Variants in WNT7A observed in about 807,000 individuals in gnomAD.
WNT7A encodes Wnt family member 7A.
WNT7A carries 16 observed loss-of-function variants against 28.2 expected under a neutral mutation model. The observed-to-expected ratio is 0.57, with a 90% CI of 0.38 to 0.86. WNT7A has a LOEUF of 0.86. Among genes scored for constraint, WNT7A ranks in the 40% least tolerant of loss-of-function variants. The pLI is 0.00. For missense variants in WNT7A, 411 were observed against 489.7 expected (o/e 0.84, Z 1.52); for synonymous variants, 190 against 195.9 (o/e 0.97, Z 0.25).
rs1255419107 is a variant in WNT7A, at chr3:13,854,808, G to A, written c.299-5C>T. ...TGAACGCAGCCTCCCGGCTCCCTGC[G>A]AGGAGGAGAGAAGAGGAGACAAGTT... On this transcript the variant is annotated splice_region_variant and splice_polypyrimidine_tract_variant and intron_variant, in intron 2 of 3. Transcript: ENST00000285018. 1.7e-5 allele frequency: 27 copies of A among 1,611,690 alleles called. No homozygotes were observed. The highest frequency in any genetic ancestry group is 2.2e-5 in the East Asian group (1 of 44,878).
intron 3 of WNT7A, among the ~76,000 whole-genome samples, chr3:13,832,408 C>G (rs948314774): frequency 1.3e-5 from 2 of 151,546 alleles, no homozygotes; most frequent in Admixed American, 6.6e-5. Flanking sequence ...TCCTCCCACT[C>G]TTCCTTCTCA....
chr3:13,879,193 G>C (rs370695491), intron 1 of WNT7A, among the ~76,000 whole-genome samples: 2 of 152,246 alleles, frequency 1.3e-5, no homozygotes, highest in Admixed American at 6.5e-5. Flanking sequence ...CCAAGGCTCC[G>C]AGCGGCGGTT....
At chr3:13,845,676 C>T (rs1694526497) in intron 3 of WNT7A, among the ~76,000 whole-genome samples, 1 of 152,184 alleles carries the variant, frequency 6.6e-6, no homozygotes, top group Admixed American at 6.5e-5. Context: ...TGCCTCTTGC[C>T]TGCCCCCTGT....
intron 3 of WNT7A, among the ~76,000 whole-genome samples, chr3:13,836,809 G>A (rs1200025826): frequency 6.6e-6 from 1 of 152,232 alleles, no homozygotes; most frequent in Non-Finnish European, 1.5e-5. Flanking sequence ...CTGGAAATTC[G>A]AGGGAAGGGT....
chr3:13,868,753 G>GAAA, intron 2 of WNT7A, among the ~76,000 whole-genome samples: 2 of 143,468 alleles, frequency 1.4e-5, no homozygotes, highest in African/African-American at 5.3e-5. Flanking sequence ...AAGAAAGAAA[G>GAAA]GAGGGAAGGG....
chr3:13,831,369 G>T (rs1247798252), intron 3 of WNT7A, among the ~76,000 whole-genome samples: 1 of 152,208 alleles, frequency 6.6e-6, no homozygotes, highest in Non-Finnish European at 1.5e-5. Context: ...GGAGACAAGG[G>T]GTGGCAGTGC....
chr3:13,819,315 C>T lies in WNT7A; in HGVS notation c.679G>A (p.Val227Met). The T allele has an allele frequency of 1.2e-6, 2 of 1,613,422 alleles. No individual in the cohort carries two copies. Among genetic ancestry groups the T allele is most frequent in the East Asian group, 2.2e-5 (1 of 44,850 alleles). ...GCCTCGTTGTACTTGTCCTTGAGCACGTAGCCCAGCTCCCGAAACTGTGGC... is the reference window on the plus strand; with the variant it reads ...GCCTCGTTGTACTTGTCCTTGAGCATGTAGCCCAGCTCCCGAAACTGTGGC... ...TLPQFRELGY[V>M]LKDKYNEAVH... Residue 227 changes from valine to methionine, a missense_variant, in exon 4 of 4, where the codon GTG (valine) becomes ATG (methionine). Coordinates refer to ENST00000285018, the MANE Select transcript of WNT7A (RefSeq NM_004625.4).
In WNT7A at chr3:13,833,220, C is replaced by T. The variant is rs147512417; in HGVS notation, c.571-13797G>A. ...AGCACACTCAAAGCACACACTCTTA[C>T]GCCTGTGCGCACACTCACACACTCC... On this transcript the variant is annotated intron_variant, in intron 3 of 3. Coordinates refer to ENST00000285018, the MANE Select transcript of WNT7A (RefSeq NM_004625.4). Among the ~76,000 whole-genome samples the T allele has an allele frequency of 5.7e-3, 862 of 152,292 alleles. 9 individuals carry two copies. Among genetic ancestry groups the T allele is most frequent in the African/African-American group, 0.018 (763 of 41,554 alleles).
In WNT7A at chr3:13,853,187, G is replaced by C. The variant is rs566787063; in HGVS notation, c.570+1345C>G. Among the ~76,000 whole-genome samples the C allele has an allele frequency of 2.6e-5, 4 of 152,328 alleles. No individual in the cohort carries two copies. The South Asian group carries it at 8.3e-4, about 32-fold the overall frequency. On this transcript the variant is annotated intron_variant, in intron 3 of 3. Coordinates refer to ENST00000285018, the MANE Select transcript of WNT7A (RefSeq NM_004625.4). ...TGCCTACTGTGTGCCACGCTCTGGA[G>C]TGCTGCTGTGTCTGAGACAGCCCAG...
chr3:13,817,063 G>A lies in WNT7A; in HGVS notation c.*1881C>T, dbSNP rs1694015722. The stretch of plus-strand genomic sequence containing the variant: ...AGGAGTCAGACACAGCCTAGATACT[G>A]AAGGGCTCCCAGCAGGTGGGGCCAT... On this transcript the variant is annotated 3_prime_UTR_variant, in exon 4 of 4. Coordinates refer to ENST00000285018, the MANE Select transcript of WNT7A (RefSeq NM_004625.4). 6.6e-6 allele frequency: 1 copy of A among 152,288 alleles called. No individual in the cohort carries two copies. Among genetic ancestry groups the A allele is most frequent in the Non-Finnish European group, 1.5e-5 (1 of 68,102 alleles). 9.4% of individuals were successfully genotyped at this position (152,288 alleles called of 1,614,324 possible).
In WNT7A at chr3:13,880,062, G is replaced by A. The variant is rs1695187504; in HGVS notation, c.-246C>T. ...ACGCCGGGCTGCGCGCGAGCGACCG[G>A]TGCAAGTGTGCGAGACGCGGGGAGT... On this transcript the variant is annotated 5_prime_UTR_variant, in exon 1 of 4. Transcript: ENST00000285018. 1.5e-5 allele frequency: 5 copies of A among 336,788 alleles called. No individual in the cohort carries two copies. The highest frequency in any genetic ancestry group is 2.7e-5 in the Non-Finnish European group (5 of 186,398). The allele number at this position is 336,788 out of a possible 1,614,324, so 20.9% of individuals were successfully genotyped here. A position where few individuals can be genotyped will look rare whatever the true frequency, so the allele number is the denominator to read the frequency against.
chr3:13,848,916 T>G (rs553656234), intron 3 of WNT7A, among the ~76,000 whole-genome samples: 14 of 152,240 alleles, frequency 9.2e-5, no homozygotes, highest in Non-Finnish European at 1.8e-4. Flanking sequence ...CTCAGCAAGG[T>G]AAAGGAACCG....
intron 2 of WNT7A, among the ~76,000 whole-genome samples, chr3:13,860,672 C>G (rs1248077935): frequency 6.6e-6 from 1 of 152,122 alleles, no homozygotes. Context: ...CTGGAGGTCA[C>G]CTGCTGTGCC....
chr3:13,859,353 C>T (rs900525759), intron 2 of WNT7A, among the ~76,000 whole-genome samples: 1 of 152,242 alleles, frequency 6.6e-6, no homozygotes, highest in South Asian at 2.1e-4. Context: ...GGGCAAGTCA[C>T]TTAACCTCTC....
At chr3:13,826,372 A>C (rs1365901989) in intron 3 of WNT7A, among the ~76,000 whole-genome samples, 1 of 152,196 alleles carries the variant, frequency 6.6e-6, no homozygotes, top group Non-Finnish European at 1.5e-5. Flanking sequence ...TGTGCATCTC[A>C]AGGAAGCCTC....
At chr3:13,832,069 C>T (rs1694288926) in intron 3 of WNT7A, among the ~76,000 whole-genome samples, 1 of 151,998 alleles carries the variant, frequency 6.6e-6, no homozygotes, top group South Asian at 2.1e-4. Flanking sequence ...CCACCTGCTC[C>T]CCTCCTGTTC....
intron 2 of WNT7A, among the ~76,000 whole-genome samples, chr3:13,867,076 C>A (rs1392220509): frequency 1.3e-5 from 2 of 152,136 alleles, no homozygotes; most frequent in Non-Finnish European, 2.9e-5. Flanking sequence ...ATGACACGGG[C>A]ACACAGGCCT....
chr3:13,835,018 C>G (rs942273387), intron 3 of WNT7A, among the ~76,000 whole-genome samples: 2 of 152,158 alleles, frequency 1.3e-5, no homozygotes, highest in Admixed American at 1.3e-4. Flanking sequence ...AGGAAGTGAC[C>G]TTGAGCTGAG....
chr3:13,822,753 C>T (rs1694133006), intron 3 of WNT7A, among the ~76,000 whole-genome samples: 1 of 152,162 alleles, frequency 6.6e-6, no homozygotes, highest in Non-Finnish European at 1.5e-5. Flanking sequence ...TTAAAAAAGG[C>T]AATGGGAAGC....
Sources: allele counts gnomAD v4.1 joint callset (sites outside exome capture counted in the v4.1 genomes callset), GRCh38; gene constraint gnomAD v4.1.1; transcripts MANE v1.5; gene names NCBI Gene and HGNC (gene_info 2026-07-23, HGNC 2026-07-21).